Variants in ANK2 observed in about 807,000 individuals in gnomAD.
The protein encoded by ANK2 is ankyrin 2.
Under a neutral mutation model 360.5 loss-of-function variants are expected in ANK2, and 83 were observed. That is an observed-to-expected ratio of 0.23 (90% CI 0.19 to 0.28). The LOEUF (loss-of-function observed/expected upper bound fraction) is 0.28. Ranked by LOEUF, ANK2 falls within the 10% of genes least tolerant of loss-of-function variation. ANK2 has a pLI of 1.00. For synonymous variants in ANK2, 1,740 were observed against 1,759.5 expected (o/e 0.99, Z 0.28); for missense variants, 4,201 against 4,795.7 (o/e 0.88, Z 3.66).
intron 2 of ANK2, among the ~76,000 whole-genome samples, chr4:113,009,885 GT>G (rs1036978800): frequency 6.6e-6 from 1 of 151,106 alleles, no homozygotes; most frequent in Non-Finnish European, 1.5e-5. Flanking sequence ...GAGCCCAAAG[GT>G]TTTAGATTCT....
Position 113,381,746 on chromosome 4 carries a change from C to A in ANK2, c.*275C>A. ...TGGCCTAATTAATGGGATACCCCGA[C>A]ATTTCCACTGTTAGCAAATATACGG... is the stretch of plus-strand genomic sequence containing the variant. On this transcript the variant is annotated 3_prime_UTR_variant, in exon 46 of 46. Transcript: ENST00000357077. The A allele has an allele frequency of 1.7e-6, 2 of 1,189,970 alleles. No individual in the cohort carries two copies. The highest frequency in any genetic ancestry group is 1.4e-5 in the South Asian group (1 of 71,206). The allele number at this position is 1,189,970 out of a possible 1,614,324, so 73.7% of individuals were successfully genotyped here. A position where few individuals can be genotyped will look rare whatever the true frequency, so the allele number is the denominator to read the frequency against.
At chr4:113,331,700 A>AT (rs1027507108) in intron 27 of ANK2, among the ~76,000 whole-genome samples, 1 of 152,002 alleles carries the variant, frequency 6.6e-6, no homozygotes, top group Non-Finnish European at 1.5e-5. Context: ...CTTGTGGAGC[A>AT]TTTTTTCCCC....
At chr4:112,882,943 C>A (rs144345644) in intron 1 of ANK2, among the ~76,000 whole-genome samples, 116 of 150,326 alleles carry the variant, frequency 7.7e-4, no homozygotes, top group African/African-American at 2.8e-3. Context: ...TACCTCCTAT[C>A]CCCTGGAGAA....
chr4:112,974,880 A>G (rs866570000), intron 2 of ANK2, among the ~76,000 whole-genome samples: 3 of 151,922 alleles, frequency 2.0e-5, no homozygotes, highest in Middle Eastern at 6.8e-3. Context: ...GGCGTGGCCT[A>G]TGCCTGCTTG....
At chr4:113,016,748 T>G (rs1035569876) in intron 2 of ANK2, among the ~76,000 whole-genome samples, 2 of 152,148 alleles carry the variant, frequency 1.3e-5, no homozygotes, top group Non-Finnish European at 2.9e-5. Flanking sequence ...AAAGGAAGCT[T>G]GATTCTGGTT....
chr4:113,149,035 C>G (rs745601104), intron 1 of ANK2: 2 of 152,266 alleles, frequency 1.3e-5, no homozygotes, highest in Non-Finnish European at 2.9e-5. Flanking sequence ...AAATCTCTCT[C>G]CCTTTCTCCC....
intron 2 of ANK2, among the ~76,000 whole-genome samples, chr4:113,192,164 T>A (rs2098676480): frequency 6.6e-6 from 1 of 152,234 alleles, no homozygotes; most frequent in Non-Finnish European, 1.5e-5. Context: ...GCCGCATCTA[T>A]CAACCTGTCA....
upstream of ANK2, chr4:113,049,550 G>A (rs1244404929): frequency 8.0e-7 from 1 of 1,251,520 alleles, no homozygotes; most frequent in African/African-American, 1.5e-5. Flanking sequence ...AATGCAGTCA[G>A]ATAAACAGTT....
At chr4:112,888,218 T>C (rs2078963802) in intron 1 of ANK2, among the ~76,000 whole-genome samples, 2 of 152,112 alleles carry the variant, frequency 1.3e-5, no homozygotes, top group African/African-American at 2.4e-5. Context: ...AAAAAGTCAG[T>C]TTGTGGAGGC....
intron 39 of ANK2, among the ~76,000 whole-genome samples, chr4:113,362,736 C>T (rs1302865815): frequency 1.3e-5 from 2 of 152,196 alleles, no homozygotes; most frequent in African/African-American, 4.8e-5. Context: ...CAGGCATGAG[C>T]TACTGGGCCC....
chr4:112,851,546 C>T (rs994991448), intron 1 of ANK2, among the ~76,000 whole-genome samples: 4 of 152,186 alleles, frequency 2.6e-5, no homozygotes, highest in South Asian at 2.1e-4. Context: ...TGCTAGGTTT[C>T]GCTAGAACTT....
intron 2 of ANK2, among the ~76,000 whole-genome samples, chr4:113,185,975 T>C (rs2098514034): frequency 6.6e-6 from 1 of 152,162 alleles, no homozygotes; most frequent in Non-Finnish European, 1.5e-5. Flanking sequence ...AAGGCACAGC[T>C]TGAGCAGACT....
chr4:113,046,987 C>T (rs972373281), upstream of ANK2, among the ~76,000 whole-genome samples: 4 of 152,310 alleles, frequency 2.6e-5, no homozygotes, highest in Middle Eastern at 3.4e-3. Flanking sequence ...GGCTACCAAA[C>T]ACATTGATTG....
intron 2 of ANK2, among the ~76,000 whole-genome samples, chr4:112,991,236 CAAAAA>C (rs10687542): frequency 8.2e-6 from 1 of 122,318 alleles, no homozygotes; most frequent in South Asian, 2.8e-4. Context: ...GACAGAGCCT[CAAAAA>C]AAAAAAAAAA....
the ANK2 span, among the ~76,000 whole-genome samples, chr4:112,705,751 G>C: frequency 6.6e-6 from 1 of 152,244 alleles, no homozygotes; most frequent in Non-Finnish European, 1.5e-5. Context: ...CCTGGCGATA[G>C]CGGCAGCGGC....
the ANK2 span, among the ~76,000 whole-genome samples, chr4:112,767,206 G>T: frequency 1.3e-5 from 2 of 152,040 alleles, no homozygotes; most frequent in African/African-American, 2.4e-5. Flanking sequence ...TAATTGCAGA[G>T]CAATTCAAGA....
Position 112,906,802 on chromosome 4 carries a change from A to G in ANK2, c.21+2288A>G, listed in dbSNP as rs138072486. Among the ~76,000 whole-genome samples, 59 of 152,272 alleles carry G rather than the reference A, an allele frequency of 3.9e-4. No homozygotes were observed. In the East Asian group the frequency reaches 6.2e-3, roughly 16 times the overall value. On this transcript the variant is annotated intron_variant, in intron 2 of 30. Transcript: ENST00000503271. ...CGTTTGTGGAGAATGAGAGAGAGAGAGAGGTCAATATTAGATTAGGCAAGT... is the reference window on the plus strand; with the variant it reads ...CGTTTGTGGAGAATGAGAGAGAGAGGGAGGTCAATATTAGATTAGGCAAGT...
intron 1 of ANK2, among the ~76,000 whole-genome samples, chr4:113,158,776 TA>T (rs1159467322): frequency 1.3e-5 from 2 of 152,174 alleles, no homozygotes; most frequent in African/African-American, 4.8e-5. Context: ...AGAGATGAGG[TA>T]TCTATGGTGT....
At chr4:113,021,401 A>T (rs2058032734) in intron 2 of ANK2, among the ~76,000 whole-genome samples, 1 of 151,732 alleles carries the variant, frequency 6.6e-6, no homozygotes, top group African/African-American at 2.4e-5. Flanking sequence ...CCAGTGATGG[A>T]TCTAATGTAG....
Sources: allele counts gnomAD v4.1 joint callset (sites outside exome capture counted in the v4.1 genomes callset), GRCh38; gene constraint gnomAD v4.1.1; transcripts MANE v1.5; gene names NCBI Gene and HGNC (gene_info 2026-07-23, HGNC 2026-07-21).